Variants in MAP4K4 observed in about 807,000 individuals in gnomAD.
The protein encoded by MAP4K4 is mitogen-activated protein kinase kinase kinase kinase 4.
A neutral mutation model predicts 189.6 loss-of-function variants in MAP4K4; 38 were observed. That is an observed-to-expected ratio of 0.20 (90% CI 0.15 to 0.26). The LOEUF is 0.26. MAP4K4 is among the 10% of genes least tolerant of loss of function. The pLI is 1.00. For synonymous variants in MAP4K4, 610 were observed against 624.3 expected, an observed-to-expected ratio of 0.98 and a Z score of 0.34; for missense variants, 1,054 against 1,726.9, an observed-to-expected ratio of 0.61 and a Z score of 6.91.
intron 2 of MAP4K4, among the ~76,000 whole-genome samples, chr2:101,739,421 T>C (rs1164050823): frequency 6.6e-6 from 1 of 152,160 alleles, no homozygotes; most frequent in Non-Finnish European, 1.5e-5. Context: ...ATTCTAAAGC[T>C]TCTATTTACT....
chr2:101,712,270 C>G (rs2046030408), intron 2 of MAP4K4, among the ~76,000 whole-genome samples: 1 of 152,062 alleles, frequency 6.6e-6, no homozygotes, highest in Admixed American at 6.6e-5. Flanking sequence ...TCTCGGCTCA[C>G]TGCAACCTCT....
At chr2:101,761,141 C>A (rs563389007) in intron 2 of MAP4K4, among the ~76,000 whole-genome samples, 1 of 152,244 alleles carries the variant, frequency 6.6e-6, no homozygotes, top group Admixed American at 6.5e-5. Flanking sequence ...CTATAATAAT[C>A]GCAGTTTTAA....
intron 3 of MAP4K4, among the ~76,000 whole-genome samples, chr2:101,809,030 C>T (rs2095238424): frequency 6.6e-6 from 1 of 152,024 alleles, no homozygotes; most frequent in Non-Finnish European, 1.5e-5. Context: ...TGTGTGGCTG[C>T]GTTTAGTTTA....
chr2:101,803,540 A>G (rs999039456), intron 3 of MAP4K4, among the ~76,000 whole-genome samples: 3 of 152,172 alleles, frequency 2.0e-5, no homozygotes, highest in Non-Finnish European at 4.4e-5. Flanking sequence ...ATTTAGTTCC[A>G]ATAACTGCTT....
At chr2:101,780,749 C>A (rs974062473) in intron 2 of MAP4K4, among the ~76,000 whole-genome samples, 2 of 152,270 alleles carry the variant, frequency 1.3e-5, no homozygotes, top group African/African-American at 4.8e-5. Context: ...AGTTAGTAAT[C>A]TTTTATTTAG....
intron 7 of MAP4K4, among the ~76,000 whole-genome samples, chr2:101,833,346 C>T (rs947667917): frequency 6.6e-6 from 1 of 152,142 alleles, no homozygotes; most frequent in African/African-American, 2.4e-5. Flanking sequence ...GATGGCCGGG[C>T]ATGGTGGCTC....
intron 2 of MAP4K4, among the ~76,000 whole-genome samples, chr2:101,778,492 G>T (rs186639539): frequency 2.6e-5 from 4 of 152,260 alleles, no homozygotes; most frequent in African/African-American, 9.6e-5. Flanking sequence ...TATCTTGTGG[G>T]GGAGGGGGTG....
At chr2:101,763,873 C>A (rs1450505838) in intron 2 of MAP4K4, among the ~76,000 whole-genome samples, 1 of 152,068 alleles carries the variant, frequency 6.6e-6, no homozygotes, top group East Asian at 1.9e-4. Flanking sequence ...CATAATCTGA[C>A]TTAAAAAAAA....
intron 5 of MAP4K4, 107 bp from the exon 6 acceptor site, chr2:101,829,397 C>CACAA (rs2096517513): frequency 2.9e-6 from 2 of 690,560 alleles, no homozygotes; most frequent in Non-Finnish European, 5.2e-6. Flanking sequence ...TTCATGAGCT[C>CACAA]ACAAACACCT....
At chr2:101,871,880 T>C (rs2098037315) in intron 24 of MAP4K4, among the ~76,000 whole-genome samples, 195 bp downstream of exon 24, 1 of 152,018 alleles carries the variant, frequency 6.6e-6, no homozygotes, top group Non-Finnish European at 1.5e-5. Flanking sequence ...CTAGATCAGC[T>C]CCCCCAAACT....
At chr2:101,834,226 A>ATCCCTCCC (rs1559122642) in intron 7 of MAP4K4, among the ~76,000 whole-genome samples, 183 bp from the exon 8 acceptor site, 3 of 64,144 alleles carry the variant, frequency 4.7e-5, no homozygotes, top group Middle Eastern at 0.018. Flanking sequence ...CCATCCCTCC[A>ATCCCTCCC]TCCCTCCCTT....
chr2:101,806,845 G>A (rs2094985868), intron 3 of MAP4K4, among the ~76,000 whole-genome samples: 2 of 152,300 alleles, frequency 1.3e-5, no homozygotes, highest in South Asian at 4.1e-4. Flanking sequence ...GAAAGTGACT[G>A]TACAGATGTT....
At chr2:101,886,850 C>A (rs2098492738) in intron 29 of MAP4K4, among the ~76,000 whole-genome samples, 1 of 151,864 alleles carries the variant, frequency 6.6e-6, no homozygotes, top group Admixed American at 6.6e-5. Context: ...ATGGTGAAAC[C>A]CCGTCTCTAC....
At chr2:101,788,382 C>T (rs762213548) in intron 2 of MAP4K4, among the ~76,000 whole-genome samples, 9 of 152,110 alleles carry the variant, frequency 5.9e-5, no homozygotes, top group Non-Finnish European at 8.8e-5. Flanking sequence ...AGAACGGGGG[C>T]GAAGCACCTG....
intron 2 of MAP4K4, among the ~76,000 whole-genome samples, chr2:101,745,474 T>C (rs1243632673): frequency 6.7e-6 from 1 of 148,972 alleles, no homozygotes; most frequent in Non-Finnish European, 1.5e-5. Flanking sequence ...AGAATCTACA[T>C]CTTCTGATTA....
intron 2 of MAP4K4, among the ~76,000 whole-genome samples, chr2:101,783,178 C>T (rs2088648067): frequency 6.7e-6 from 1 of 150,078 alleles, no homozygotes; most frequent in Admixed American, 6.6e-5. Context: ...TTCTAGCTCT[C>T]TGGGATTTCT....
intron 3 of MAP4K4, among the ~76,000 whole-genome samples, chr2:101,798,939 A>G (rs1280381593): frequency 2.6e-5 from 4 of 152,200 alleles, no homozygotes; most frequent in African/African-American, 9.7e-5. Context: ...TTTCACACTT[A>G]AATTTCATCC....
At chr2:101,798,152 A>G (rs1356353072) in intron 3 of MAP4K4, among the ~76,000 whole-genome samples, 2 of 151,178 alleles carry the variant, frequency 1.3e-5, no homozygotes, top group Admixed American at 6.6e-5. Context: ...GGCCCAAGCA[A>G]TCCTCATGTC....
intron 16 of MAP4K4, 137 bp downstream of exon 16, chr2:101,861,123 A>T: frequency 4.0e-6 from 3 of 750,656 alleles, no homozygotes; most frequent in Non-Finnish European, 6.3e-6. Flanking sequence ...AGTTTAGACT[A>T]AAAGAAGGCA....
Sources: allele counts gnomAD v4.1 joint callset (sites outside exome capture counted in the v4.1 genomes callset), GRCh38; gene constraint gnomAD v4.1.1; transcripts MANE v1.5; gene names NCBI Gene and HGNC (gene_info 2026-07-23, HGNC 2026-07-21).